EYA1: variants seen among roughly 807,000 people sequenced by gnomAD.
EYA1 encodes protein phosphatase EYA1.
Under a neutral mutation model 82.0 loss-of-function variants are expected in EYA1, and 16 were observed. The observed-to-expected ratio is 0.20, with a 90% CI of 0.13 to 0.30. The LOEUF (loss-of-function observed/expected upper bound fraction) is 0.30. EYA1 is among the 10% of genes least tolerant of loss of function. The probability of loss-of-function intolerance (pLI) is 1.00; values close to 1 mark genes in which losing one functional copy is unlikely to be tolerated. For synonymous variants in EYA1, 261 were observed against 264.4 expected (o/e 0.99, Z 0.12); for missense variants, 633 against 730.7 (o/e 0.87, Z 1.54).
chr8:71,346,847 C>G (rs778494908), intron 3 of EYA1, among the ~76,000 whole-genome samples: 4 of 152,114 alleles, frequency 2.6e-5, no homozygotes, highest in Non-Finnish European at 4.4e-5. Flanking sequence ...GCATTGTAAA[C>G]TTAATGAATG....
chr8:71,535,678 T>C, intron 2 of EYA1: 1 of 1,197,774 alleles, frequency 8.3e-7, no homozygotes, highest in Admixed American at 2.2e-5. Context: ...CGGGTTACAA[T>C]AAAAATGCCA....
chr8:71,217,917 A>T (rs1809421039), intron 12 of EYA1, among the ~76,000 whole-genome samples: 2 of 152,164 alleles, frequency 1.3e-5, no homozygotes, highest in African/African-American at 4.8e-5. Flanking sequence ...TATCTTAACC[A>T]CCGTATCCCC....
intron 3 of EYA1, 118 bp downstream of exon 3, chr8:71,354,664 G>A: frequency 2.0e-6 from 2 of 985,874 alleles, no homozygotes; most frequent in Admixed American, 3.5e-5. Context: ...TTACCTAAAG[G>A]GGAAATATAA....
In EYA1 at chr8:71,539,756, G is replaced by C. The variant is rs1815001265; in HGVS notation, c.-72-3908C>G. 2.6e-5 allele frequency among the ~76,000 whole-genome samples: 4 copies of C among 152,150 alleles called. 1 individual carries two copies. In the South Asian group the frequency reaches 8.3e-4, roughly 32 times the overall value. On this transcript the variant is annotated intron_variant, in intron 1 of 18. Transcript: ENST00000643681. ...AGCCTCACCTGATACAGGAATAATG[G>C]AAGTTTTAGGAAGTGTCTTATATTT...
At chr8:71,303,592 T>C (rs1820429166) in intron 7 of EYA1, among the ~76,000 whole-genome samples, 2 of 141,240 alleles carry the variant, frequency 1.4e-5, no homozygotes, top group Admixed American at 1.4e-4. Context: ...AGAATCAAGT[T>C]CGCAGGGCCG....
intron 2 of EYA1, among the ~76,000 whole-genome samples, chr8:71,435,188 T>TA (rs1805914629): frequency 1.3e-5 from 2 of 152,166 alleles, no homozygotes; most frequent in Admixed American, 1.3e-4. Context: ...ACTCACTCCA[T>TA]TTATTATGAT....
At chr8:71,307,685 T>C (rs1820875221) in intron 7 of EYA1, among the ~76,000 whole-genome samples, 1 of 152,218 alleles carries the variant, frequency 6.6e-6, no homozygotes, top group South Asian at 2.1e-4. Flanking sequence ...CATGGATTTT[T>C]ACCTCATAAA....
intron 11 of EYA1, among the ~76,000 whole-genome samples, chr8:71,260,122 C>A (rs1169425719): frequency 6.6e-6 from 1 of 152,100 alleles, no homozygotes; most frequent in Non-Finnish European, 1.5e-5. Context: ...TATTTATGCA[C>A]CCTTGCACAT....
At chr8:71,271,596 A>C (rs977117653) in intron 10 of EYA1, among the ~76,000 whole-genome samples, 162 bp downstream of exon 10, 1 of 152,376 alleles carries the variant, frequency 6.6e-6, no homozygotes. Flanking sequence ...ATAGTTAATA[A>C]AGGAGAGAAA....
chr8:71,397,153 C>T (rs985976488), intron 2 of EYA1, among the ~76,000 whole-genome samples: 3 of 152,172 alleles, frequency 2.0e-5, no homozygotes, highest in Non-Finnish European at 1.5e-5. Context: ...AGATCTTTCT[C>T]CATCCCTTTA....
At chr8:71,349,530 A>G (rs1461429090) in intron 3 of EYA1, among the ~76,000 whole-genome samples, 2 of 152,206 alleles carry the variant, frequency 1.3e-5, no homozygotes, top group Non-Finnish European at 2.9e-5. Flanking sequence ...TTTAAACTTC[A>G]TGTTTAACTA....
upstream of EYA1, among the ~76,000 whole-genome samples, chr8:71,366,928 G>T (rs1177604523): frequency 6.6e-6 from 1 of 151,966 alleles, no homozygotes; most frequent in Non-Finnish European, 1.5e-5. Flanking sequence ...GATACATATT[G>T]ATATATAGCA....
At chr8:71,537,799 T>C (rs1015966439) in intron 1 of EYA1, among the ~76,000 whole-genome samples, 2 of 152,232 alleles carry the variant, frequency 1.3e-5, no homozygotes, top group African/African-American at 4.8e-5. Flanking sequence ...TTGAACTTAC[T>C]GAACAGTTTA....
At position 71,271,690 on chromosome 8, in the gene EYA1, G is replaced by C. The variant is rs1159679969; in HGVS notation, c.966+68C>G. On this transcript the variant is annotated intron_variant, in intron 10 of 17. Transcript: ENST00000340726. ...CTTAACCACTGCTGTTTACGTAGCA[G>C]GTATGTAAAACCACCAGTTAGCTAT... 3.2e-6 allele frequency: 5 copies of C among 1,571,688 alleles called. No individual in the cohort carries two copies. The African/African-American group carries it at 6.8e-5, about 21-fold the overall frequency.
At chr8:71,326,893 CAT>C (rs1823216663) in intron 4 of EYA1, among the ~76,000 whole-genome samples, 1 of 152,146 alleles carries the variant, frequency 6.6e-6, no homozygotes, top group South Asian at 2.1e-4. Flanking sequence ...CTCTCAAAAA[CAT>C]AAATTAAGTC....
intron 2 of EYA1, among the ~76,000 whole-genome samples, chr8:71,415,728 C>T (rs1563592177): frequency 1.3e-5 from 2 of 152,212 alleles, no homozygotes; most frequent in Non-Finnish European, 2.9e-5. Flanking sequence ...GACTTGGCCC[C>T]AAAGAGGCAT....
At chr8:71,358,157 G>C (rs892352298) in intron 1 of EYA1, among the ~76,000 whole-genome samples, 1 of 152,000 alleles carries the variant, frequency 6.6e-6, no homozygotes, top group Non-Finnish European at 1.5e-5. Context: ...TATAATTTTA[G>C]TTTCAGTATA....
chr8:71,292,799 G>T (rs1187480330), intron 9 of EYA1, among the ~76,000 whole-genome samples: 1 of 151,936 alleles, frequency 6.6e-6, no homozygotes, highest in East Asian at 1.9e-4. Context: ...CACAAAAACA[G>T]CGCTCAGGAG....
intron 12 of EYA1, among the ~76,000 whole-genome samples, chr8:71,225,719 A>T (rs1424123283): frequency 2.6e-5 from 4 of 152,220 alleles, no homozygotes; most frequent in Non-Finnish European, 5.9e-5. Context: ...AAAAGAAAAC[A>T]ATTTCAAATT....
Sources: allele counts gnomAD v4.1 joint callset (sites outside exome capture counted in the v4.1 genomes callset), GRCh38; gene constraint gnomAD v4.1.1; transcripts MANE v1.5; gene names NCBI Gene and HGNC (gene_info 2026-07-23, HGNC 2026-07-21).